The following PRDM6 variants were observed in gnomAD, a reference collection of about 807,000 sequenced individuals.
PRDM6 encodes putative histone-lysine N-methyltransferase PRDM6.
In PRDM6, 25 loss-of-function variants were observed where a neutral mutation model predicts 60.8. That is an observed-to-expected ratio of 0.41 (90% CI 0.30 to 0.57). The LOEUF (loss-of-function observed/expected upper bound fraction) is 0.57, where lower values mean the gene tolerates loss of function less well. Ranked by LOEUF, PRDM6 falls within the 20% of genes least tolerant of loss-of-function variation. The probability of loss-of-function intolerance (pLI) is 0.27; values close to 1 mark genes in which losing one functional copy is unlikely to be tolerated. For synonymous variants in PRDM6, 407 were observed against 357.4 expected, an observed-to-expected ratio of 1.14 and a Z score of -1.57; for missense variants, 839 against 821.3, an observed-to-expected ratio of 1.02 and a Z score of -0.26.
chr5:123,120,230 A>T (rs1205171747), intron 3 of PRDM6, among the ~76,000 whole-genome samples: 1 of 152,274 alleles, frequency 6.6e-6, no homozygotes, highest in Non-Finnish European at 1.5e-5. Context: ...ACAAATGTGC[A>T]TAATTTAAAA....
intron 5 of PRDM6, among the ~76,000 whole-genome samples, chr5:123,163,084 A>G (rs958460802): frequency 1.3e-5 from 2 of 152,328 alleles, no homozygotes; most frequent in East Asian, 1.9e-4. Flanking sequence ...GCTTGAGATC[A>G]AAGACTTTTT....
At chr5:123,100,142 C>T (rs1764066534) in intron 3 of PRDM6, among the ~76,000 whole-genome samples, 181 bp downstream of exon 3, 1 of 152,214 alleles carries the variant, frequency 6.6e-6, no homozygotes, top group Non-Finnish European at 1.5e-5. Flanking sequence ...TCTGAAGCAC[C>T]TGCAGTAAGG....
At chr5:123,174,072 A>G (rs1489371891) in intron 6 of PRDM6, among the ~76,000 whole-genome samples, 1 of 152,230 alleles carries the variant, frequency 6.6e-6, no homozygotes, top group Non-Finnish European at 1.5e-5. Context: ...TCTTGGGACC[A>G]GAAGAGTTTT....
Position 123,091,402 on chromosome 5 carries a change from A to G in PRDM6, c.592+796A>G, listed in dbSNP as rs140262259. On this transcript the variant is annotated intron_variant, in intron 2 of 7. Coordinates refer to ENST00000407847, the MANE Select transcript of PRDM6 (RefSeq NM_001136239.4). ...TTAGAAATTAGGGTGACTGTAATTT[A>G]GTAAAAGACGCTTACTCCCCTCTTC... Among the ~76,000 whole-genome samples the G allele has an allele frequency of 6.4e-4, 97 of 152,328 alleles. 2 individuals are homozygous for G. In the East Asian group the frequency reaches 0.017, roughly 27 times the overall value.
Position 123,193,338 on chromosome 5 carries a change from A to G in PRDM6, c.*6137A>G, listed in dbSNP as rs572779575. ...TCTACAGCACAACTCTTTCATGTTT[A>G]AAAGCAATTATGCCGTATCAGGTGA... On this transcript the variant is annotated 3_prime_UTR_variant, in exon 8 of 8. Transcript: ENST00000407847. 1 of 152,192 alleles carries G rather than the reference A, an allele frequency of 6.6e-6. No homozygotes were observed. Among genetic ancestry groups the G allele is most frequent in the African/African-American group, 2.4e-5 (1 of 41,458 alleles). 9.4% of individuals were successfully genotyped at this position (152,192 alleles called of 1,614,324 possible).
rs2126896608 is a variant in PRDM6, at chr5:123,188,456, G to A, written c.*1255G>A. On this transcript the variant is annotated 3_prime_UTR_variant, in exon 8 of 8. Coordinates refer to ENST00000407847, the MANE Select transcript of PRDM6 (RefSeq NM_001136239.4). The stretch of plus-strand genomic sequence containing the variant: ...TTTAATTTCAGCTAGCCTGTTGGTG[G>A]TTCAACAGTGGTGCTCAATGAAATT... 1 of 152,304 alleles carries A rather than the reference G, an allele frequency of 6.6e-6. No individual in the cohort carries two copies. The highest frequency in any genetic ancestry group is 2.1e-4 in the South Asian group (1 of 4,828). The allele number at this position is 152,304 out of a possible 1,614,324, so 9.4% of individuals were successfully genotyped here.
In PRDM6 at chr5:123,090,035, C is replaced by G. The variant is rs1265236892; in HGVS notation, c.21C>G (p.Pro7=). Residue 7 remains proline, a synonymous_variant, in exon 2 of 8, where the codon CCC becomes CCG. Coordinates refer to ENST00000407847, the MANE Select transcript of PRDM6 (RefSeq NM_001136239.4). ...CGGACATGCTGAAGCCCGGAGACCC[C>G]GGCGGTTCGGCCTTCCTCAAAGTGG... MLKPGD[P]GGSAFLKVDP... The G allele has an allele frequency of 8.4e-6, 13 of 1,547,764 alleles. No individual in the cohort carries two copies. The highest frequency in any genetic ancestry group is 1.1e-5 in the Non-Finnish European group (13 of 1,145,842).
chr5:123,106,967 T>C (rs1276078410), intron 3 of PRDM6, among the ~76,000 whole-genome samples: 1 of 152,234 alleles, frequency 6.6e-6, no homozygotes, highest in Non-Finnish European at 1.5e-5. Context: ...CAGGTTACTC[T>C]TCCCCCCACC....
intron 3 of PRDM6, among the ~76,000 whole-genome samples, chr5:123,114,624 T>TG (rs1356816429): frequency 1.1e-4 from 17 of 152,314 alleles, no homozygotes; most frequent in African/African-American, 4.1e-4. Context: ...GGTCCTTCAT[T>TG]TTTGTATGCT....
At chr5:123,138,311 G>A (rs1178467697) in intron 3 of PRDM6, among the ~76,000 whole-genome samples, 1 of 152,202 alleles carries the variant, frequency 6.6e-6, no homozygotes, top group Non-Finnish European at 1.5e-5. Flanking sequence ...GCTAAGAGAA[G>A]TGTGAAACAT....
chr5:123,121,033 T>C (rs1764567934), intron 3 of PRDM6, among the ~76,000 whole-genome samples: 1 of 152,242 alleles, frequency 6.6e-6, no homozygotes, highest in Non-Finnish European at 1.5e-5. Context: ...TGTGAGTTGA[T>C]GTTTATAAAT....
intron 3 of PRDM6, among the ~76,000 whole-genome samples, chr5:123,142,734 C>A (rs1254699918): frequency 6.6e-6 from 1 of 151,972 alleles, no homozygotes; most frequent in Non-Finnish European, 1.5e-5. Flanking sequence ...CTAAAAATAT[C>A]TGTCTTATGA....
chr5:123,143,148 A>AGTGTGTGTGTGTGTGTGT (rs139092433), intron 3 of PRDM6, among the ~76,000 whole-genome samples: 11,363 of 145,722 alleles, frequency 0.078, 540 homozygotes, highest in Middle Eastern at 0.13. Context: ...TAGTTTTTAA[A>AGTGTGTGTGTGTGTGTGT]GTGTGTGTGT....
chr5:123,090,764 CTG>C (rs1763820506), intron 2 of PRDM6, among the ~76,000 whole-genome samples, 158 bp downstream of exon 2: 1 of 152,170 alleles, frequency 6.6e-6, no homozygotes, highest in Admixed American at 6.5e-5. Context: ...TCCCCGATCT[CTG>C]TGACAAAAGT....
At chr5:123,124,945 G>A (rs1764659111) in intron 3 of PRDM6, among the ~76,000 whole-genome samples, 1 of 151,910 alleles carries the variant, frequency 6.6e-6, no homozygotes, top group Admixed American at 6.6e-5. Flanking sequence ...CCATGATATT[G>A]CATCCAGATC....
intron 4 of PRDM6, among the ~76,000 whole-genome samples, chr5:123,158,243 C>A (rs1183838548): frequency 2.0e-5 from 3 of 152,108 alleles, no homozygotes; most frequent in African/African-American, 7.2e-5. Flanking sequence ...GGGTGAAGTA[C>A]AAAGTAGACT....
chr5:123,190,275 A>G lies in PRDM6; in HGVS notation c.*3074A>G, dbSNP rs1766382619. ...TCTAAGACGAAAGGTAATGCCAGGGAAAAGTCAGGGTGCAATAGGATGAGA... is the reference window on the plus strand; with the variant it reads ...TCTAAGACGAAAGGTAATGCCAGGGGAAAGTCAGGGTGCAATAGGATGAGA... On this transcript the variant is annotated 3_prime_UTR_variant, in exon 8 of 8. Coordinates refer to ENST00000407847, the MANE Select transcript of PRDM6 (RefSeq NM_001136239.4). The G allele has an allele frequency of 6.6e-6, 1 of 152,172 alleles. No homozygotes were observed. Among genetic ancestry groups the G allele is most frequent in the African/African-American group, 2.4e-5 (1 of 41,440 alleles). The allele number at this position is 152,172 out of a possible 1,614,324, so 9.4% of individuals were successfully genotyped here.
chr5:123,107,640 C>T (rs1472493101), intron 3 of PRDM6, among the ~76,000 whole-genome samples: 3 of 152,212 alleles, frequency 2.0e-5, no homozygotes, highest in African/African-American at 7.2e-5. Flanking sequence ...CCCTTTAAAA[C>T]TTTAACACAA....
Position 123,192,230 on chromosome 5 carries a change from C to T in PRDM6, c.*5029C>T, listed in dbSNP as rs1169686641. On this transcript the variant is annotated 3_prime_UTR_variant, in exon 8 of 8. Coordinates refer to ENST00000407847, the MANE Select transcript of PRDM6 (RefSeq NM_001136239.4). ...TTCTAATGCTTAATGTGGATTATCTCTTTTAATCCTTAGTAACTCTATAAC... is the reference window on the plus strand; with the variant it reads ...TTCTAATGCTTAATGTGGATTATCTTTTTTAATCCTTAGTAACTCTATAAC... 1 of 152,180 alleles carries T rather than the reference C, an allele frequency of 6.6e-6. No homozygotes were observed. Among genetic ancestry groups the T allele is most frequent in the East Asian group, 1.9e-4 (1 of 5,196 alleles). The allele number at this position is 152,180 out of a possible 1,614,324, so 9.4% of individuals were successfully genotyped here. A position where few individuals can be genotyped will look rare whatever the true frequency, so the allele number is the denominator to read the frequency against.
Sources: allele counts gnomAD v4.1 joint callset (sites outside exome capture counted in the v4.1 genomes callset), GRCh38; gene constraint gnomAD v4.1.1; transcripts MANE v1.5; gene names NCBI Gene and HGNC (gene_info 2026-07-23, HGNC 2026-07-21).